VWC2: variants seen among roughly 807,000 people sequenced by gnomAD.
The protein encoded by VWC2 is von Willebrand factor C domain containing 2, also known as brorin.
VWC2 carries 14 observed loss-of-function variants against 29.8 expected under a neutral mutation model. That is an observed-to-expected ratio of 0.47 (90% CI 0.31 to 0.74). VWC2 has a LOEUF of 0.74. VWC2 is among the 30% of genes least tolerant of loss of function. The pLI, the probability that VWC2 is intolerant of heterozygous loss-of-function variation, is 0.05. For missense variants in VWC2, 457 were observed against 459.8 expected, an observed-to-expected ratio of 0.99 and a Z score of 0.05; for synonymous variants, 213 against 199.0, an observed-to-expected ratio of 1.07 and a Z score of -0.59.
intron 3 of VWC2, among the ~76,000 whole-genome samples, chr7:49,853,935 A>G (rs1228578450): frequency 7.0e-6 from 1 of 143,036 alleles, no homozygotes; most frequent in Non-Finnish European, 1.5e-5. Flanking sequence ...TCATTGTTCA[A>G]TTCCCACCTA....
chr7:49,847,629 C>T (rs1210060735), intron 3 of VWC2, among the ~76,000 whole-genome samples: 1 of 152,160 alleles, frequency 6.6e-6, no homozygotes, highest in East Asian at 1.9e-4. Flanking sequence ...CACAGGGGCA[C>T]GCTGGCCTGG....
Position 49,822,341 on chromosome 7 carries a change from C to T in VWC2, c.826+19501C>T, listed in dbSNP as rs191891233. ...GGTAGACCTCACATATAATTAAAAGCCTGCCTTTTAAAGGTGCAGTTTATT... is the reference window on the plus strand; with the variant it reads ...GGTAGACCTCACATATAATTAAAAGTCTGCCTTTTAAAGGTGCAGTTTATT... On this transcript the variant is annotated intron_variant, in intron 3 of 3. Coordinates refer to ENST00000340652, the MANE Select transcript of VWC2 (RefSeq NM_198570.5). Among the ~76,000 whole-genome samples the T allele has an allele frequency of 2.9e-3, 446 of 152,262 alleles. 6 individuals are homozygous for T. The highest frequency in any genetic ancestry group is 4.4e-3 in the Admixed American group (68 of 15,284).
In VWC2 at chr7:49,905,727, A is replaced by C. The variant is rs138640263; in HGVS notation, c.827-6307A>C. On this transcript the variant is annotated intron_variant, in intron 3 of 3. Coordinates refer to ENST00000340652, the MANE Select transcript of VWC2 (RefSeq NM_198570.5). ...CTGAGACCTACTGGGCTGCATTCCC[A>C]GATGGTTAAGGCATTCTAAGTCACG... 3.2e-3 allele frequency among the ~76,000 whole-genome samples: 489 copies of C among 152,310 alleles called. 1 individual carries two copies. Among genetic ancestry groups the C allele is most frequent in the African/African-American group, 0.011 (437 of 41,566 alleles).
At chr7:49,885,418 T>C (rs778408273) in intron 3 of VWC2, among the ~76,000 whole-genome samples, 5 of 152,164 alleles carry the variant, frequency 3.3e-5, no homozygotes, top group Non-Finnish European at 7.4e-5. Flanking sequence ...AATAAAAATT[T>C]ACAAGAAAAT....
intron 2 of VWC2, among the ~76,000 whole-genome samples, chr7:49,783,670 G>T (rs1293196687): frequency 3.3e-5 from 5 of 152,182 alleles, no homozygotes; most frequent in Non-Finnish European, 7.3e-5. Context: ...CAAATCTGTG[G>T]AAAAGGATGA....
At chr7:49,841,804 CA>C (rs1789798825) in intron 3 of VWC2, among the ~76,000 whole-genome samples, 1 of 152,008 alleles carries the variant, frequency 6.6e-6, no homozygotes, top group African/African-American at 2.4e-5. Flanking sequence ...AAATCATGAC[CA>C]AAGCAATTGT....
chr7:49,776,277 C>T, intron 2 of VWC2, 146 bp downstream of exon 2: 1 of 714,614 alleles, frequency 1.4e-6, no homozygotes, highest in Non-Finnish European at 2.2e-6. Flanking sequence ...TTTGACATGA[C>T]CTCTCTTTTT....
At chr7:49,866,844 C>T (rs150411727) in intron 3 of VWC2, among the ~76,000 whole-genome samples, 3 of 152,336 alleles carry the variant, frequency 2.0e-5, no homozygotes, top group East Asian at 3.9e-4. Flanking sequence ...TTCCTTTCAA[C>T]TCAGACAACC....
At chr7:49,896,953 TG>T (rs1792416376) in intron 3 of VWC2, among the ~76,000 whole-genome samples, 1 of 146,254 alleles carries the variant, frequency 6.8e-6, no homozygotes, top group Non-Finnish European at 1.5e-5. Context: ...CAGACTGCAG[TG>T]GCGCAATCTC....
At chr7:49,794,572 G>T (rs1325375103) in intron 2 of VWC2, among the ~76,000 whole-genome samples, 2 of 152,144 alleles carry the variant, frequency 1.3e-5, no homozygotes, top group African/African-American at 4.8e-5. Context: ...TATTGCATGT[G>T]GTTTGAAGAG....
Position 49,913,707 on chromosome 7 carries a change from A to G in VWC2, c.*1522A>G, listed in dbSNP as rs987517339. ...TGTATTGTATTAGGAGCCAAACTAG[A>G]GACCAGCAAATGGAGATTAGAAAGC... On this transcript the variant is annotated 3_prime_UTR_variant, in exon 4 of 4. Transcript: ENST00000340652. The G allele has an allele frequency of 2.6e-5, 4 of 152,216 alleles. No individual in the cohort carries two copies. The highest frequency in any genetic ancestry group is 2.9e-5 in the Non-Finnish European group (2 of 68,030). 9.4% of individuals were successfully genotyped at this position (152,216 alleles called of 1,614,324 possible).
At chr7:49,824,944 CT>C (rs1235010615) in intron 3 of VWC2, among the ~76,000 whole-genome samples, 3 of 151,988 alleles carry the variant, frequency 2.0e-5, no homozygotes, top group African/African-American at 7.2e-5. Context: ...TTTTCTGTTT[CT>C]TTTTCTCTTT....
intron 3 of VWC2, among the ~76,000 whole-genome samples, chr7:49,810,218 A>G (rs533607550): frequency 1.3e-5 from 2 of 152,146 alleles, no homozygotes; most frequent in South Asian, 4.1e-4. Context: ...GATTAATACC[A>G]GATACATATA....
chr7:49,807,290 C>T (rs187429242), intron 3 of VWC2, among the ~76,000 whole-genome samples: 135 of 152,306 alleles, frequency 8.9e-4, no homozygotes, highest in African/African-American at 3.2e-3. Context: ...AATTATCAAA[C>T]TGATTCTAAA....
chr7:49,909,933 A>C (rs181282487), intron 3 of VWC2, among the ~76,000 whole-genome samples: 241 of 152,028 alleles, frequency 1.6e-3, no homozygotes, highest in African/African-American at 4.8e-3. Context: ...GAAAGACCTC[A>C]TATCTCCAAA....
chr7:49,792,520 A>T (rs192126285), intron 2 of VWC2, among the ~76,000 whole-genome samples: 2 of 152,312 alleles, frequency 1.3e-5, no homozygotes. Context: ...TAACATGAGG[A>T]CATGGAAGCT....
intron 2 of VWC2, among the ~76,000 whole-genome samples, chr7:49,780,796 C>T (rs1037141661): frequency 5.9e-5 from 9 of 152,142 alleles, no homozygotes; most frequent in African/African-American, 1.7e-4. Flanking sequence ...GGAAGGGGTA[C>T]TTGGAGGTGA....
intron 3 of VWC2, among the ~76,000 whole-genome samples, chr7:49,868,719 G>GTGATTCTC (rs1346589480): frequency 6.6e-6 from 1 of 152,210 alleles, no homozygotes; most frequent in Non-Finnish European, 1.5e-5. Context: ...CTGGGTTCAA[G>GTGATTCTC]TGATTCTCCT....
chr7:49,782,613 G>A (rs187312938), intron 2 of VWC2, among the ~76,000 whole-genome samples: 19 of 151,932 alleles, frequency 1.3e-4, no homozygotes, highest in South Asian at 2.1e-4. Flanking sequence ...GGGAGACTGA[G>A]GTGGGAAGAT....
Sources: gnomAD v4.1 joint callset for allele counts (sites outside exome capture counted in the v4.1 genomes callset) on GRCh38, gnomAD v4.1.1 for gene constraint, MANE v1.5 for transcripts, NCBI Gene and HGNC (gene_info 2026-07-23, HGNC 2026-07-21) for gene names.